Variants in CLSTN2 observed in about 807,000 individuals in gnomAD.
The protein encoded by CLSTN2 is calsyntenin 2.
CLSTN2 carries 48 observed loss-of-function variants against 101.2 expected under a neutral mutation model. The ratio of observed to expected loss-of-function variants is 0.47; its 90% CI spans 0.38 to 0.60. The LOEUF is 0.60. Among genes scored for constraint, CLSTN2 ranks in the 20% least tolerant of loss-of-function variants. The pLI is 0.00. For synonymous variants in CLSTN2, 481 were observed against 463.6 expected, an observed-to-expected ratio of 1.04 and a Z score of -0.48; for missense variants, 1,160 against 1,238.2, an observed-to-expected ratio of 0.94 and a Z score of 0.95.
intron 8 of CLSTN2, among the ~76,000 whole-genome samples, chr3:140,477,790 T>A (rs1934019679): frequency 6.6e-6 from 1 of 152,218 alleles, no homozygotes; most frequent in Non-Finnish European, 1.5e-5. Context: ...TTTGTCGATC[T>A]CAGCAGAAAC....
At chr3:140,109,145 T>A (rs74959345) in intron 1 of CLSTN2, among the ~76,000 whole-genome samples, 124 of 152,330 alleles carry the variant, frequency 8.1e-4, no homozygotes, top group African/African-American at 2.9e-3. Context: ...GGTCTCAGCA[T>A]GTTACACATG....
intron 2 of CLSTN2, among the ~76,000 whole-genome samples, chr3:140,218,292 T>C (rs2107851054): frequency 6.6e-6 from 1 of 152,346 alleles, no homozygotes; most frequent in Admixed American, 6.5e-5. Context: ...TTAATCTCTC[T>C]GCTATGCAAG....
chr3:140,336,042 A>T (rs1432381440), intron 2 of CLSTN2, among the ~76,000 whole-genome samples: 2 of 152,166 alleles, frequency 1.3e-5, no homozygotes, highest in Admixed American at 6.5e-5. Context: ...GGGCTTTGGA[A>T]TCACTTGAAA....
chr3:140,568,914 G>C lies in CLSTN2; in HGVS notation c.*2661G>C, dbSNP rs1301884298. 2 of 152,170 alleles carry C rather than the reference G, an allele frequency of 1.3e-5. No homozygotes were observed. Among genetic ancestry groups the C allele is most frequent in the Admixed American group, 1.3e-4 (2 of 15,274 alleles). The allele number at this position is 152,170 out of a possible 1,614,324, so 9.4% of individuals were successfully genotyped here. ...AATAATTTGAGGAAGCATTTGGTTG[G>C]TGGACTCATTTGCAGAGAAACAGTG... On this transcript the variant is annotated 3_prime_UTR_variant, in exon 17 of 17. Coordinates refer to ENST00000458420, the MANE Select transcript of CLSTN2 (RefSeq NM_022131.3).
chr3:140,394,084 C>T (rs1284107378), intron 2 of CLSTN2, among the ~76,000 whole-genome samples: 1 of 152,148 alleles, frequency 6.6e-6, no homozygotes, highest in Non-Finnish European at 1.5e-5. Flanking sequence ...TCTGCCATCC[C>T]TTTGTGCTGG....
At chr3:140,129,724 T>G (rs1332129749) in intron 1 of CLSTN2, among the ~76,000 whole-genome samples, 1 of 152,188 alleles carries the variant, frequency 6.6e-6, no homozygotes, top group Non-Finnish European at 1.5e-5. Flanking sequence ...AGGGAGCTAG[T>G]GTTCTTGAAC....
At chr3:140,262,828 T>A (rs948997128) in intron 2 of CLSTN2, among the ~76,000 whole-genome samples, 1 of 151,982 alleles carries the variant, frequency 6.6e-6, no homozygotes, top group African/African-American at 2.4e-5. Context: ...GTTGACATTA[T>A]GAAGAATGGG....
At chr3:140,550,812 A>G (rs1298248446) in intron 10 of CLSTN2, among the ~76,000 whole-genome samples, 1 of 151,304 alleles carries the variant, frequency 6.6e-6, no homozygotes, top group Non-Finnish European at 1.5e-5. Flanking sequence ...CAGGATACTG[A>G]AACTTTTTAT....
chr3:140,558,838 C>G lies in CLSTN2; in HGVS notation c.2022C>G (p.Pro674=). Residue 674 remains proline, a synonymous_variant, in exon 12 of 17, where the codon CCC becomes CCG. Coordinates refer to ENST00000458420, the MANE Select transcript of CLSTN2 (RefSeq NM_022131.3). ...IVSTFAKTEA[P]GDVKTTDPKS... Reference sequence around the variant, plus strand: ...GCACCTTCGCCAAAACCGAAGCCCCCGGGGACGTGAAAACCACAGGTACAG... The same window carrying G: ...GCACCTTCGCCAAAACCGAAGCCCCGGGGGACGTGAAAACCACAGGTACAG... The G allele has an allele frequency of 6.2e-7, 1 of 1,613,748 alleles. No homozygotes were observed. The highest frequency in any genetic ancestry group is 8.5e-7 in the Non-Finnish European group (1 of 1,179,932).
In CLSTN2 at chr3:140,225,920, A is replaced by ATTTTT. The variant is rs1356930730; in HGVS notation, c.232+49847_232+49848insTTTTT. 4.1e-3 allele frequency among the ~76,000 whole-genome samples: 626 copies of ATTTTT among 151,960 alleles called. 3 individuals are homozygous for ATTTTT. The highest frequency in any genetic ancestry group is 0.014 in the African/African-American group (592 of 41,350). On this transcript the variant is annotated intron_variant, in intron 2 of 16. Coordinates refer to ENST00000458420, the MANE Select transcript of CLSTN2 (RefSeq NM_022131.3). Reference sequence around the variant, plus strand: ...ATCTCCATAAGTTGATTTTTTTTAAAAAAAAAAGGACTCTAAAAGAATATG... The same window carrying ATTTTT: ...ATCTCCATAAGTTGATTTTTTTTAAATTTTTAAAAAAAGGACTCTAAAAGAATATG...
Position 139,950,242 on chromosome 3 carries a change from T to C in CLSTN2, c.109+14759T>C, listed in dbSNP as rs528688474. On this transcript the variant is annotated intron_variant, in intron 1 of 16. Coordinates refer to ENST00000458420, the MANE Select transcript of CLSTN2 (RefSeq NM_022131.3). ...AGTGATAAAGCTTTGGCACTCTACA[T>C]GGGGAAATACCATCTTCCTCAACCA... is the stretch of plus-strand genomic sequence containing the variant. Among the ~76,000 whole-genome samples, 4 of 152,308 alleles carry C rather than the reference T, an allele frequency of 2.6e-5. No individual in the cohort carries two copies. In the East Asian group the frequency reaches 7.7e-4, roughly 29 times the overall value.
rs556977429 is a variant in CLSTN2, at chr3:140,101,400, T to A, written c.110-74551T>A. ...ATGTTTGTATGCATCTCATAGGAAT[T>A]CAGGAAAAGCTGAACCACCACTAGA... On this transcript the variant is annotated intron_variant, in intron 1 of 16. Transcript: ENST00000458420. 5.3e-5 allele frequency among the ~76,000 whole-genome samples: 8 copies of A among 152,334 alleles called. No homozygotes were observed. In the South Asian group the frequency reaches 1.7e-3, roughly 32 times the overall value.
At chr3:140,151,376 G>A (rs73868782) in intron 1 of CLSTN2, among the ~76,000 whole-genome samples, 9 of 152,036 alleles carry the variant, frequency 5.9e-5, no homozygotes, top group Admixed American at 5.9e-4. Context: ...TGAAGACAGA[G>A]CAGGGAATAC....
Position 140,122,097 on chromosome 3 carries a change from T to A in CLSTN2, c.110-53854T>A, listed in dbSNP as rs2107799665. 2.0e-5 allele frequency among the ~76,000 whole-genome samples: 3 copies of A among 152,306 alleles called. No individual in the cohort carries two copies. The South Asian group carries it at 6.2e-4, about 32-fold the overall frequency. On this transcript the variant is annotated intron_variant, in intron 1 of 16. Transcript: ENST00000458420. The stretch of plus-strand genomic sequence containing the variant: ...GCAGCATGAAACCAAGCTGGCTGTA[T>A]CTCCCCATGGTCTCTCTCCTGTTCT...
At position 140,203,877 on chromosome 3, in the gene CLSTN2, T is replaced by G. The variant is rs550688317; in HGVS notation, c.232+27804T>G. ...ATGGTAAGAAAATAACCCGCAAGATTCTGTCTAATTGGCAGATGCCAGAGG... is the reference window on the plus strand; with the variant it reads ...ATGGTAAGAAAATAACCCGCAAGATGCTGTCTAATTGGCAGATGCCAGAGG... On this transcript the variant is annotated intron_variant, in intron 2 of 16. Transcript: ENST00000458420. Among the ~76,000 whole-genome samples, 10 of 152,256 alleles carry G rather than the reference T, an allele frequency of 6.6e-5. No homozygotes were observed. In the South Asian group the frequency reaches 2.1e-3, roughly 32 times the overall value.
chr3:140,002,357 C>T (rs2006860558), intron 1 of CLSTN2, among the ~76,000 whole-genome samples: 1 of 152,148 alleles, frequency 6.6e-6, no homozygotes, highest in Non-Finnish European at 1.5e-5. Flanking sequence ...ATTTGTATGT[C>T]TTCTTTTGAG....
At chr3:140,437,655 A>C (rs949280144) in intron 5 of CLSTN2, among the ~76,000 whole-genome samples, 2 of 152,162 alleles carry the variant, frequency 1.3e-5, no homozygotes, top group African/African-American at 4.8e-5. Flanking sequence ...CCAGGTGGGC[A>C]CCCCCAGGCA....
intron 2 of CLSTN2, among the ~76,000 whole-genome samples, chr3:140,187,529 T>C (rs2010501419): frequency 6.6e-6 from 1 of 152,202 alleles, no homozygotes; most frequent in African/African-American, 2.4e-5. Flanking sequence ...TCTCATAGTC[T>C]TTCCTTTTCA....
chr3:140,010,214 T>G (rs374619375), intron 1 of CLSTN2, among the ~76,000 whole-genome samples: 7 of 152,362 alleles, frequency 4.6e-5, no homozygotes, highest in Admixed American at 2.6e-4. Context: ...TTGTCTTTTA[T>G]TTTCATTTCT....
Sources: allele counts gnomAD v4.1 joint callset (sites outside exome capture counted in the v4.1 genomes callset), GRCh38; gene constraint gnomAD v4.1.1; transcripts MANE v1.5; gene names NCBI Gene and HGNC (gene_info 2026-07-23, HGNC 2026-07-21).